GRID2: variants seen among roughly 807,000 people sequenced by gnomAD.
The protein encoded by GRID2 is glutamate receptor ionotropic, delta-2.
In GRID2, 33 loss-of-function variants were observed where a neutral mutation model predicts 114.8. The observed-to-expected ratio is 0.29, with a 90% CI of 0.22 to 0.38. The LOEUF (loss-of-function observed/expected upper bound fraction) is 0.38. Among genes scored for constraint, GRID2 ranks in the 10% least tolerant of loss-of-function variants. The probability of loss-of-function intolerance (pLI) is 1.00; values close to 1 mark genes in which losing one functional copy is unlikely to be tolerated. For missense variants in GRID2, 1,184 were observed against 1,257.7 expected, an observed-to-expected ratio of 0.94 and a Z score of 0.89; for synonymous variants, 505 against 449.9, an observed-to-expected ratio of 1.12 and a Z score of -1.55.
At chr4:93,431,810 T>C (rs1164491049) in intron 10 of GRID2, among the ~76,000 whole-genome samples, 2 of 152,038 alleles carry the variant, frequency 1.3e-5, no homozygotes, top group African/African-American at 4.8e-5. Context: ...GAAAATGTAA[T>C]ATAAGAAAGT....
chr4:93,321,396 T>C (rs916173367), intron 8 of GRID2, among the ~76,000 whole-genome samples: 1 of 152,126 alleles, frequency 6.6e-6, no homozygotes, highest in African/African-American at 2.4e-5. Flanking sequence ...TGTTTGAAAC[T>C]AGTTAGCAAC....
chr4:92,432,054 C>T (rs867831277), intron 1 of GRID2, among the ~76,000 whole-genome samples: 11 of 152,304 alleles, frequency 7.2e-5, no homozygotes, highest in East Asian at 1.9e-4. Context: ...GTTTACCAGG[C>T]GGGGAATCTT....
intron 9 of GRID2, among the ~76,000 whole-genome samples, chr4:93,415,011 C>T (rs961599248): frequency 9.9e-5 from 15 of 151,986 alleles, no homozygotes; most frequent in Non-Finnish European, 1.9e-4. Flanking sequence ...TTATTAAATG[C>T]TTCTATATCC....
rs1355230563 is a variant in GRID2, at chr4:93,028,399, C to G, written c.245-56596C>G. Among the ~76,000 whole-genome samples, 4 of 152,036 alleles carry G rather than the reference C, an allele frequency of 2.6e-5. No homozygotes were observed. In the East Asian group the frequency reaches 7.8e-4, roughly 30 times the overall value. On this transcript the variant is annotated intron_variant, in intron 2 of 15. Transcript: ENST00000282020. ...TATCCATGGAACTGCAAAACCAACG[C>G]TGCTTGGGAGAGAGAGAGAGTGCCA...
At chr4:93,350,037 G>A (rs1760644181) in intron 8 of GRID2, among the ~76,000 whole-genome samples, 1 of 151,998 alleles carries the variant, frequency 6.6e-6, no homozygotes, top group Non-Finnish European at 1.5e-5. Flanking sequence ...CACATAGTGT[G>A]CTCAGAACAT....
intron 14 of GRID2, among the ~76,000 whole-genome samples, chr4:93,683,726 T>C (rs894000745): frequency 1.3e-5 from 2 of 152,170 alleles, no homozygotes; most frequent in South Asian, 2.1e-4. Flanking sequence ...TTTGTACTTA[T>C]GAATTTTTGT....
chr4:92,340,935 T>G (rs778411897), intron 1 of GRID2, among the ~76,000 whole-genome samples: 2 of 152,146 alleles, frequency 1.3e-5, no homozygotes, highest in Non-Finnish European at 2.9e-5. Context: ...TTTTTACATT[T>G]TAGACTGTCT....
intron 1 of GRID2, among the ~76,000 whole-genome samples, chr4:92,369,502 T>C (rs111465735): frequency 3.3e-5 from 5 of 152,298 alleles, no homozygotes; most frequent in African/African-American, 1.2e-4. Flanking sequence ...ACAAGGCTGA[T>C]TTAGTTACTT....
At chr4:93,103,110 A>G (rs1033424226) in intron 3 of GRID2, among the ~76,000 whole-genome samples, 8 of 151,978 alleles carry the variant, frequency 5.3e-5, no homozygotes, top group African/African-American at 1.9e-4. Context: ...TTCCTTATGA[A>G]TTACCCTCCG....
At chr4:92,807,063 G>T (rs529531655) in intron 2 of GRID2, among the ~76,000 whole-genome samples, 1 of 151,958 alleles carries the variant, frequency 6.6e-6, no homozygotes, top group South Asian at 2.1e-4. Flanking sequence ...AATTGTAAAG[G>T]CTCAGTTTTC....
At chr4:92,680,688 T>G (rs529652127) in intron 2 of GRID2, among the ~76,000 whole-genome samples, 2 of 152,260 alleles carry the variant, frequency 1.3e-5, no homozygotes, top group South Asian at 4.1e-4. Context: ...GCTGTAGTCA[T>G]GGAAGAATAC....
intron 2 of GRID2, among the ~76,000 whole-genome samples, chr4:92,673,357 AC>A (rs1733169688): frequency 6.6e-6 from 1 of 152,190 alleles, no homozygotes. Context: ...CTTCATTTCT[AC>A]ATACGCTATT....
chr4:93,141,169 TTG>T (rs1735736219), intron 4 of GRID2, among the ~76,000 whole-genome samples: 1 of 152,208 alleles, frequency 6.6e-6, no homozygotes, highest in South Asian at 2.1e-4. Context: ...TCTATTTATT[TTG>T]TGTTATTATT....
chr4:92,918,940 T>C (rs1457504730), intron 2 of GRID2, among the ~76,000 whole-genome samples: 1 of 152,218 alleles, frequency 6.6e-6, no homozygotes, highest in Admixed American at 6.5e-5. Context: ...CAGTTCCTCC[T>C]TGTACCTCTG....
chr4:93,622,568 G>A (rs372737133), intron 13 of GRID2, among the ~76,000 whole-genome samples: 1 of 152,106 alleles, frequency 6.6e-6, no homozygotes, highest in South Asian at 2.1e-4. Context: ...AACACTGACC[G>A]ATAGCACCTA....
chr4:93,731,838 G>A (rs1730508810), intron 14 of GRID2, among the ~76,000 whole-genome samples: 1 of 152,098 alleles, frequency 6.6e-6, no homozygotes, highest in African/African-American at 2.4e-5. Context: ...CAGAAAGCCT[G>A]GGCCTTGACA....
chr4:92,712,076 G>T (rs1735282567), intron 2 of GRID2, among the ~76,000 whole-genome samples: 1 of 152,072 alleles, frequency 6.6e-6, no homozygotes, highest in Admixed American at 6.6e-5. Flanking sequence ...GGCCGTATTA[G>T]AATTTAGTCT....
At chr4:92,764,476 C>T (rs1377344676) in intron 2 of GRID2, among the ~76,000 whole-genome samples, 1 of 152,124 alleles carries the variant, frequency 6.6e-6, no homozygotes, top group Non-Finnish European at 1.5e-5. Flanking sequence ...CCTGCCAGCT[C>T]ACAGTTGGCT....
intron 2 of GRID2, among the ~76,000 whole-genome samples, chr4:92,949,897 A>T (rs1269849671): frequency 6.6e-6 from 1 of 152,096 alleles, no homozygotes; most frequent in Non-Finnish European, 1.5e-5. Flanking sequence ...CCAGCTACAG[A>T]TAAACAAACT....
Sources: allele counts gnomAD v4.1 joint callset (sites outside exome capture counted in the v4.1 genomes callset), GRCh38; gene constraint gnomAD v4.1.1; transcripts MANE v1.5; gene names NCBI Gene and HGNC (gene_info 2026-07-23, HGNC 2026-07-21).